The following GABRA4 variants were observed in gnomAD, a reference collection of about 807,000 sequenced individuals.
The protein encoded by GABRA4 is gamma-aminobutyric acid type A receptor subunit alpha4.
Under a neutral mutation model 49.7 loss-of-function variants are expected in GABRA4, and 12 were observed. The observed-to-expected ratio is 0.24, with a 90% CI of 0.15 to 0.39. GABRA4 has a LOEUF of 0.39. GABRA4 is among the 10% of genes least tolerant of loss of function. The probability of loss-of-function intolerance (pLI) is 1.00; values close to 1 mark genes in which losing one functional copy is unlikely to be tolerated. For missense variants in GABRA4, 506 were observed against 686.0 expected, an observed-to-expected ratio of 0.74 and a Z score of 2.93; for synonymous variants, 288 against 240.2, an observed-to-expected ratio of 1.20 and a Z score of -1.84.
intron 2 of GABRA4, among the ~76,000 whole-genome samples, chr4:46,981,862 C>G (rs1289731256): frequency 6.6e-6 from 1 of 151,976 alleles, no homozygotes; most frequent in East Asian, 1.9e-4. Flanking sequence ...TGAGCCATTG[C>G]AAGAGATCAG....
At chr4:46,965,973 A>G (rs944009047) in intron 7 of GABRA4, among the ~76,000 whole-genome samples, 3 of 148,274 alleles carry the variant, frequency 2.0e-5, no homozygotes, top group Admixed American at 1.3e-4. Context: ...CAAAAGGAAC[A>G]GAAGTACTTC....
intron 8 of GABRA4, among the ~76,000 whole-genome samples, chr4:46,957,256 AC>A (rs1722397518): frequency 7.5e-6 from 1 of 132,732 alleles, no homozygotes; most frequent in Admixed American, 8.2e-5. Context: ...AAATAAGGCT[AC>A]AGTTTGACTT....
At chr4:46,968,646 G>A (rs138594966) in intron 7 of GABRA4, among the ~76,000 whole-genome samples, 1 of 151,718 alleles carries the variant, frequency 6.6e-6, no homozygotes, top group East Asian at 1.9e-4. Flanking sequence ...TGGCAAATCT[G>A]TTTATCATTG....
chr4:46,929,456 A>C (rs1577741007), intron 8 of GABRA4, among the ~76,000 whole-genome samples: 1 of 152,232 alleles, frequency 6.6e-6, no homozygotes, highest in Admixed American at 6.5e-5. Context: ...CAGTTGCATA[A>C]ATATCTGAAT....
chr4:46,978,336 G>T (rs2109394548), intron 3 of GABRA4, among the ~76,000 whole-genome samples: 1 of 151,970 alleles, frequency 6.6e-6, no homozygotes, highest in East Asian at 1.9e-4. Context: ...TAGTGTACAC[G>T]ACTAGTTCAT....
Position 46,928,750 on chromosome 4 carries a change from T to G in GABRA4, c.1140A>C (p.Thr380=). 1 of 1,605,108 alleles carries G rather than the reference T, an allele frequency of 6.2e-7. No homozygotes were observed. The change falls in exon 9 of 9, where the codon ACA becomes ACC. Residue 380 remains threonine, a synonymous_variant. Coordinates refer to ENST00000264318, the MANE Select transcript of GABRA4 (RefSeq NM_000809.4). ...TTTTTCTCATGTTCAAATTGGCATT[T>G]GTATTCTGAAAAGGTATATGAAAAA... ...EKHPEAPLQN[T]NANLNMRKRT... is the part of the protein sequence containing the mutation.
At chr4:46,983,947 A>G (rs1003307952) in intron 2 of GABRA4, among the ~76,000 whole-genome samples, 1 of 152,114 alleles carries the variant, frequency 6.6e-6, no homozygotes, top group Non-Finnish European at 1.5e-5. Context: ...GAAAGAGCCA[A>G]GACCAGCAAG....
In GABRA4 at chr4:46,979,073, G is replaced by A; in HGVS notation, c.231C>T (p.Asp77=). 6.2e-7 allele frequency: 1 copy of A among 1,610,668 alleles called. No homozygotes were observed. The highest frequency in any genetic ancestry group is 1.1e-5 in the South Asian group (1 of 90,830). The change falls in exon 3 of 9, where the codon GAC becomes GAT. Residue 77 remains aspartate (D), a synonymous_variant. Coordinates refer to ENST00000264318, the MANE Select transcript of GABRA4 (RefSeq NM_000809.4). ...FGGPVTEVKT[D]IYVTSFGPVS... Reference sequence around the variant, plus strand: ...CAGGTCCAAAGCTGGTGACATATATGTCAGTTTTCACTTCTGTAACAGGAC... The same window carrying A: ...CAGGTCCAAAGCTGGTGACATATATATCAGTTTTCACTTCTGTAACAGGAC...
intron 8 of GABRA4, among the ~76,000 whole-genome samples, chr4:46,940,654 T>A (rs1721758197): frequency 6.6e-6 from 1 of 152,056 alleles, no homozygotes; most frequent in African/African-American, 2.4e-5. Flanking sequence ...AAACAGCACA[T>A]TAAGTCAGCA....
At chr4:46,982,585 G>A (rs60030118) in intron 2 of GABRA4, among the ~76,000 whole-genome samples, 1,744 of 152,022 alleles carry the variant, frequency 0.011, 34 homozygotes, top group African/African-American at 0.037. Flanking sequence ...AAAATTTATC[G>A]TTTTTCCTAT....
chr4:46,961,661 A>G (rs1722579718), intron 8 of GABRA4, among the ~76,000 whole-genome samples: 1 of 151,936 alleles, frequency 6.6e-6, no homozygotes, highest in South Asian at 2.1e-4. Context: ...TTGATGATTT[A>G]TATACGTGTT....
At position 46,954,368 on chromosome 4, in the gene GABRA4, C is replaced by A. The variant is rs532168310; in HGVS notation, c.1134+10602G>T. On this transcript the variant is annotated intron_variant, in intron 8 of 8. Transcript: ENST00000264318. ...GGTCAGGAGTTCGAGACCAGCCTGG[C>A]CAAATGGTGAAACCCTGTCTCTACT... Among the ~76,000 whole-genome samples, 3 of 150,812 alleles carry A rather than the reference C, an allele frequency of 2.0e-5. No homozygotes were observed. The South Asian group carries it at 6.3e-4, about 32-fold the overall frequency.
chr4:46,975,236 T>A (rs1471529978), intron 5 of GABRA4, among the ~76,000 whole-genome samples: 2 of 152,028 alleles, frequency 1.3e-5, no homozygotes, highest in East Asian at 3.9e-4. Flanking sequence ...AGGTCCTCAA[T>A]GGAATCATTT....
rs893217520 is a variant in GABRA4 at position 46,920,155 on chromosome 4, G to C, written c.*8070C>G. 6 of 151,616 alleles carry C rather than the reference G, an allele frequency of 4.0e-5. No individual in the cohort carries two copies. The highest frequency in any genetic ancestry group is 1.4e-4 in the African/African-American group (6 of 41,388). 9.4% of individuals were successfully genotyped at this position (151,616 alleles called of 1,614,324 possible). A position where few individuals can be genotyped will look rare whatever the true frequency, so the allele number is the denominator to read the frequency against. Reference sequence around the variant, plus strand: ...ATGTCAATCAAACTTTAACTGAAATGCTATACATTGTCTGTTATCAGAGCT... The same window carrying C: ...ATGTCAATCAAACTTTAACTGAAATCCTATACATTGTCTGTTATCAGAGCT... On this transcript the variant is annotated 3_prime_UTR_variant, in exon 9 of 9. Coordinates refer to ENST00000264318, the MANE Select transcript of GABRA4 (RefSeq NM_000809.4).
At chr4:46,936,041 C>T (rs1267364114) in intron 8 of GABRA4, among the ~76,000 whole-genome samples, 1 of 152,150 alleles carries the variant, frequency 6.6e-6, no homozygotes. Context: ...ATAACAACAA[C>T]AGCCAAAACA....
chr4:46,935,891 GAAATAAATAC>G (rs1021078430), intron 8 of GABRA4, among the ~76,000 whole-genome samples: 2 of 152,086 alleles, frequency 1.3e-5, no homozygotes, highest in African/African-American at 4.8e-5. Flanking sequence ...GTGACAATGA[GAAATAAATAC>G]AAATAAATAC....
Position 46,965,994 on chromosome 4 carries a change from A to G in GABRA4, c.875-765T>C, listed in dbSNP as rs1004695023. On this transcript the variant is annotated intron_variant, in intron 7 of 8. Coordinates refer to ENST00000264318, the MANE Select transcript of GABRA4 (RefSeq NM_000809.4). ...GAACAGAAGTACTTCTCCTCCATCA[A>G]TAGGCTTCTGAAGCACCACATCCAG... is the stretch of plus-strand genomic sequence containing the variant. Among the ~76,000 whole-genome samples, 4 of 151,698 alleles carry G rather than the reference A, an allele frequency of 2.6e-5. No individual in the cohort carries two copies. In the East Asian group the frequency reaches 7.8e-4, roughly 30 times the overall value.
rs113782781 is a variant in GABRA4 at position 46,978,321 on chromosome 4, T to C, written c.274-691A>G. Reference sequence around the variant, plus strand: ...GAAATACTAAATATAATGAAAACTATAAAATAGTGTACACGACTAGTTCAT... The same window carrying C: ...GAAATACTAAATATAATGAAAACTACAAAATAGTGTACACGACTAGTTCAT... On this transcript the variant is annotated intron_variant, in intron 3 of 8. Transcript: ENST00000264318. 9.4e-3 allele frequency among the ~76,000 whole-genome samples: 1,435 copies of C among 151,938 alleles called. 13 individuals are homozygous for C. The highest frequency in any genetic ancestry group is 0.033 in the African/African-American group (1,351 of 41,494).
intron 6 of GABRA4, 132 bp downstream of exon 6, chr4:46,974,100 A>C (rs1005229794): frequency 1.4e-6 from 1 of 737,782 alleles, no homozygotes; most frequent in Non-Finnish European, 2.2e-6. Flanking sequence ...GCTATAACTC[A>C]TGCATCAACT....
Sources: gnomAD v4.1 joint callset for allele counts (sites outside exome capture counted in the v4.1 genomes callset) on GRCh38, gnomAD v4.1.1 for gene constraint, MANE v1.5 for transcripts, NCBI Gene and HGNC (gene_info 2026-07-23, HGNC 2026-07-21) for gene names.